The following MAP3K19 variants were observed in gnomAD, a reference collection of about 807,000 sequenced individuals.
MAP3K19 encodes mitogen-activated protein kinase kinase kinase 19.
Under a neutral mutation model 114.4 loss-of-function variants are expected in MAP3K19, and 91 were observed. The ratio of observed to expected loss-of-function variants is 0.80; its 90% confidence interval spans 0.67 to 0.95. MAP3K19 has a LOEUF of 0.95. MAP3K19 is among the 40% of genes least tolerant of loss of function. The probability of loss-of-function intolerance (pLI) is 0.00; values close to 1 mark genes in which losing one functional copy is unlikely to be tolerated. For synonymous variants in MAP3K19, 518 were observed against 530.5 expected (o/e 0.98, Z 0.32); for missense variants, 1,471 against 1,573.2 (o/e 0.94, Z 1.10).
At position 134,964,573 on chromosome 2, in the gene MAP3K19, A is replaced by C. The variant is rs1592; in HGVS notation, c.*277T>G. 0.54 allele frequency: 131,247 copies of C among 244,720 alleles called. 37,229 individuals are homozygous for C. Among genetic ancestry groups the C allele is most frequent in the Middle Eastern group, 0.89 (666 of 750 alleles). 15.2% of individuals were successfully genotyped at this position (244,720 alleles called of 1,614,324 possible). A position where few individuals can be genotyped will look rare whatever the true frequency, so the allele number is the denominator to read the frequency against. ...ATAAAAAGAAATGTCATATAAAACA[A>C]TAGAGAATGTAGTTCCTGGACAATC... is the stretch of plus-strand genomic sequence containing the variant. On this transcript the variant is annotated 3_prime_UTR_variant, in exon 13 of 13. Transcript: ENST00000392915.
At chr2:135,016,085 T>C (rs979867553) in intron 5 of MAP3K19, among the ~76,000 whole-genome samples, 3 of 152,110 alleles carry the variant, frequency 2.0e-5, no homozygotes, top group African/African-American at 4.8e-5. Flanking sequence ...ACCCCATCTC[T>C]ACCAAAAACA....
intron 1 of MAP3K19, among the ~76,000 whole-genome samples, chr2:135,046,624 C>T (rs1307011892): frequency 6.6e-6 from 1 of 152,298 alleles, no homozygotes; most frequent in East Asian, 1.9e-4. Context: ...GTGTTTCATT[C>T]CACAGAGGTT....
chr2:135,004,925 G>T (rs1048157573), intron 6 of MAP3K19, among the ~76,000 whole-genome samples: 1 of 152,190 alleles, frequency 6.6e-6, no homozygotes. Flanking sequence ...CTGAGAGGAA[G>T]AAATTGGGGA....
chr2:135,012,133 C>G (rs572125723), intron 5 of MAP3K19, among the ~76,000 whole-genome samples: 1 of 152,220 alleles, frequency 6.6e-6, no homozygotes, highest in East Asian at 1.9e-4. Context: ...CAACATGTAG[C>G]AAATTTCTCA....
rs192903780 is a variant in MAP3K19 at position 134,965,579 on chromosome 2, C to G, written c.3921-663G>C. ...TGCAATGGCCTATTCCAGAGGCATT[C>G]TTTTGGTTAAATTGGCCATCTTTTG... On this transcript the variant is annotated intron_variant, in intron 12 of 12. Coordinates refer to ENST00000392915, the MANE Select transcript of MAP3K19 (RefSeq NM_025052.5). Among the ~76,000 whole-genome samples, 5 of 152,140 alleles carry G rather than the reference C, an allele frequency of 3.3e-5. No homozygotes were observed. The East Asian group carries it at 5.8e-4, about 18-fold the overall frequency.
chr2:135,041,950 T>C (rs1300582230), intron 1 of MAP3K19, among the ~76,000 whole-genome samples: 1 of 152,164 alleles, frequency 6.6e-6, no homozygotes, highest in Non-Finnish European at 1.5e-5. Context: ...ATGTGTTCTG[T>C]TCTAGAAATA....
intron 2 of MAP3K19, among the ~76,000 whole-genome samples, chr2:135,039,354 G>A (rs780644493): frequency 5.3e-5 from 8 of 151,714 alleles, no homozygotes; most frequent in Non-Finnish European, 1.0e-4. Flanking sequence ...AGGCTGAGGC[G>A]TGTGGATCTC....
intron 2 of MAP3K19, among the ~76,000 whole-genome samples, chr2:135,033,301 C>T (rs1209067): frequency 2.3e-4 from 27 of 119,652 alleles, no homozygotes; most frequent in South Asian, 1.3e-3. Context: ...GGCTCCTCAC[C>T]TCCCAGTAGG....
intron 11 of MAP3K19, among the ~76,000 whole-genome samples, chr2:134,982,461 A>C (rs1012109358): frequency 6.8e-6 from 1 of 147,382 alleles, no homozygotes; most frequent in Non-Finnish European, 1.5e-5. Context: ...AGCAATTCTC[A>C]TGCCTCAGCC....
chr2:134,970,284 A>G (rs1683776599), intron 12 of MAP3K19, among the ~76,000 whole-genome samples: 1 of 152,020 alleles, frequency 6.6e-6, no homozygotes, highest in Admixed American at 6.6e-5. Context: ...AATTTTTTTC[A>G]TCAATGTTTT....
chr2:134,991,727 A>G, intron 8 of MAP3K19, 147 bp from the exon 9 acceptor site: 1 of 668,544 alleles, frequency 1.5e-6, no homozygotes, highest in South Asian at 1.8e-5. Context: ...GAATTCACAC[A>G]GAGGTGGAAT....
chr2:134,983,587 A>G (rs1684861042), intron 11 of MAP3K19, 89 bp downstream of exon 11: 1 of 796,684 alleles, frequency 1.3e-6, no homozygotes, highest in Non-Finnish European at 1.8e-6. Flanking sequence ...CAGAGGAAGC[A>G]GGGAGGATGA....
At chr2:134,985,768 C>G in intron 10 of MAP3K19, 32 bp downstream of exon 10, 4 of 1,541,486 alleles carry the variant, frequency 2.6e-6, no homozygotes, top group Non-Finnish European at 3.5e-6. Flanking sequence ...TCCTTCCCAC[C>G]CCAATGAATC....
intron 2 of MAP3K19, among the ~76,000 whole-genome samples, chr2:135,032,606 TTTTATTTTATTTA>T (rs1688412254): frequency 6.6e-6 from 1 of 151,274 alleles, no homozygotes; most frequent in Admixed American, 6.6e-5. Flanking sequence ...TTTAATTTAA[TTTTATTTTATTTA>T]TTTATTTTTT....
Position 134,998,983 on chromosome 2 carries a change from G to C in MAP3K19, c.329C>G (p.Ser110Trp). 3.1e-6 allele frequency: 5 copies of C among 1,612,984 alleles called. No individual in the cohort carries two copies. The highest frequency in any genetic ancestry group is 2.2e-5 in the South Asian group (2 of 90,788). The change falls in exon 8 of 13, where the codon TCG becomes TGG. Residue 110 changes from serine (S) to tryptophan (W), a missense_variant. Transcript: ENST00000392915. ...DLKEKNLINS[S>W]LQEWAQAHAV... is the part of the protein sequence containing the mutation. ...ATGTGCTTGTGCCCATTCTTGAAGC[G>C]ATGAGTTTATCAGACTAAAGGGGGA...
chr2:135,010,312 C>T (rs10928527), intron 5 of MAP3K19, among the ~76,000 whole-genome samples: 17,681 of 152,078 alleles, frequency 0.12, 1,318 homozygotes, highest in South Asian at 0.32. Flanking sequence ...AAGGTGATGA[C>T]GGAAGTGAAG....
chr2:135,024,487 T>G, intron 4 of MAP3K19, 139 bp downstream of exon 4: 1 of 816,226 alleles, frequency 1.2e-6, no homozygotes, highest in South Asian at 1.5e-5. Context: ...GTCGTGGGCC[T>G]TGTACAGAGT....
intron 12 of MAP3K19, among the ~76,000 whole-genome samples, chr2:134,976,412 T>G (rs914980479): frequency 7.2e-5 from 11 of 152,222 alleles, no homozygotes; most frequent in Non-Finnish European, 1.6e-4. Flanking sequence ...TTCCCCACAC[T>G]AGGGAGGCTC....
chr2:134,993,490 A>G (rs1203584900), intron 8 of MAP3K19, among the ~76,000 whole-genome samples: 1 of 152,180 alleles, frequency 6.6e-6, no homozygotes, highest in Non-Finnish European at 1.5e-5. Flanking sequence ...ATGGCAATTT[A>G]TAGTTGTGGG....
Sources: gnomAD v4.1 joint callset for allele counts (sites outside exome capture counted in the v4.1 genomes callset) on GRCh38, gnomAD v4.1.1 for gene constraint, MANE v1.5 for transcripts, NCBI Gene and HGNC (gene_info 2026-07-23, HGNC 2026-07-21) for gene names.